ANKRD26: variants seen among roughly 807,000 people sequenced by gnomAD.
The protein encoded by ANKRD26 is ankyrin repeat domain 26.
Under a neutral mutation model 208.7 loss-of-function variants are expected in ANKRD26, and 141 were observed. The ratio of observed to expected loss-of-function variants is 0.68; its 90% confidence interval spans 0.59 to 0.78. ANKRD26 has a LOEUF of 0.78. ANKRD26 is among the 30% of genes least tolerant of loss of function. The probability of loss-of-function intolerance (pLI) is 0.00; values close to 1 mark genes in which losing one functional copy is unlikely to be tolerated. For synonymous variants in ANKRD26, 636 were observed against 660.4 expected, an observed-to-expected ratio of 0.96 and a Z score of 0.57; for missense variants, 1,889 against 1,938.7, an observed-to-expected ratio of 0.97 and a Z score of 0.48.
intron 15 of ANKRD26, among the ~76,000 whole-genome samples, chr10:27,057,830 A>T (rs2054893614): frequency 6.6e-6 from 1 of 151,950 alleles, no homozygotes; most frequent in South Asian, 2.1e-4. Context: ...CTAGCTACTC[A>T]GGAGGCTGAG....
chr10:27,079,206 A>G lies in ANKRD26; in HGVS notation c.741-45T>C, dbSNP rs912330310. 3.3e-6 allele frequency: 5 copies of G among 1,524,118 alleles called. No individual in the cohort carries two copies. The Admixed American group carries it at 8.4e-5, about 26-fold the overall frequency. 94.4% of individuals were successfully genotyped at this position (1,524,118 alleles called of 1,614,324 possible). A position where few individuals can be genotyped will look rare whatever the true frequency, so the allele number is the denominator to read the frequency against. On this transcript the variant is annotated intron_variant, in intron 6 of 33. Transcript: ENST00000376087. ...AAAAATGAGTGAATTCATTTCTTTA[A>G]AAACAAAACAAAAACCAGCTTACAA...
chr10:26,955,442 T>A, the ANKRD26 span, among the ~76,000 whole-genome samples: 3 of 151,800 alleles, frequency 2.0e-5, no homozygotes, highest in African/African-American at 7.3e-5. Context: ...AAAAAAAATA[T>A]ATATATATGT....
intron 24 of ANKRD26, 138 bp downstream of exon 24, chr10:27,034,658 C>T: frequency 1.8e-6 from 1 of 559,548 alleles, no homozygotes; most frequent in South Asian, 3.2e-5. Flanking sequence ...CTTTTATTTG[C>T]TGAAAACAAG....
chr10:27,057,916 ACAGAG>A (rs111697191), intron 15 of ANKRD26, among the ~76,000 whole-genome samples: 1,576 of 151,308 alleles, frequency 0.01, 29 homozygotes, highest in African/African-American at 0.037. Flanking sequence ...CAGCCGGGTG[ACAGAG>A]CGAGACTCCA....
At chr10:26,954,926 C>A in the ANKRD26 span, among the ~76,000 whole-genome samples, 3 of 149,294 alleles carry the variant, frequency 2.0e-5, no homozygotes, top group East Asian at 3.9e-4. Flanking sequence ...CTATCAAATG[C>A]GGGATCTATA....
At chr10:27,053,828 A>T (rs931591954) in intron 15 of ANKRD26, among the ~76,000 whole-genome samples, 7 of 152,222 alleles carry the variant, frequency 4.6e-5, no homozygotes, top group African/African-American at 1.4e-4. Flanking sequence ...TTTATGATAC[A>T]GTAGGAATAT....
intron 6 of ANKRD26, among the ~76,000 whole-genome samples, chr10:27,082,438 C>CT (rs2055954578): frequency 6.6e-6 from 1 of 152,196 alleles, no homozygotes; most frequent in South Asian, 2.1e-4. Context: ...AAGAAAAACT[C>CT]TGAGAGTTAA....
At chr10:27,062,891 C>T (rs2055112503) in intron 12 of ANKRD26, among the ~76,000 whole-genome samples, 1 of 151,904 alleles carries the variant, frequency 6.6e-6, no homozygotes, top group Admixed American at 6.6e-5. Context: ...CTTGAGCCTC[C>T]CAAGTAGCTA....
rs750332409 is a variant in ANKRD26 at position 27,028,835 on chromosome 10, T to A, written c.3972+17A>T. The A allele has an allele frequency of 2.5e-6, 4 of 1,599,684 alleles. No homozygotes were observed. Among genetic ancestry groups the A allele is most frequent in the South Asian group, 2.2e-5 (2 of 90,600 alleles). On this transcript the variant is annotated intron_variant, in intron 27 of 33. Transcript: ENST00000376087. ...AAATTCCTTTTCAGTACGACAGAAA[T>A]TAAGTGGCTGACTTACCAAATTTGC...
At chr10:27,068,915 G>A (rs1351542242) in intron 9 of ANKRD26, among the ~76,000 whole-genome samples, 5 of 151,646 alleles carry the variant, frequency 3.3e-5, no homozygotes, top group African/African-American at 7.3e-5. Context: ...GAGGTCGGGC[G>A]CAGCGCGGTG....
At chr10:26,995,588 T>C (rs1300286656) in intron 4 of ANKRD26, among the ~76,000 whole-genome samples, 2 of 152,186 alleles carry the variant, frequency 1.3e-5, no homozygotes, top group Non-Finnish European at 2.9e-5. Flanking sequence ...GTTCCTACAA[T>C]AGCCAGCCAG....
the ANKRD26 span, among the ~76,000 whole-genome samples, chr10:26,953,958 TA>T: frequency 6.6e-6 from 1 of 152,240 alleles, no homozygotes; most frequent in East Asian, 1.9e-4. Context: ...GAGAGCATCA[TA>T]AGGGAGATTG....
At chr10:27,011,500 T>G (rs1384660658) in intron 32 of ANKRD26, among the ~76,000 whole-genome samples, 1 of 147,668 alleles carries the variant, frequency 6.8e-6, no homozygotes, top group Non-Finnish European at 1.5e-5. Context: ...GGATCAAGCA[T>G]AGTTGATTTT....
chr10:26,973,649 C>CTTTTTTTTTTTTTTTTT (rs71386903), downstream of ANKRD26, among the ~76,000 whole-genome samples: 2 of 88,428 alleles, frequency 2.3e-5, no homozygotes, highest in East Asian at 3.9e-4. Flanking sequence ...TTTATTTGTC[C>CTTTTTTTTTTTTTTTTT]TTTTTTTTTT....
chr10:27,033,407 A>G, intron 24 of ANKRD26, 30 bp from the exon 25 acceptor site: 1 of 1,596,358 alleles, frequency 6.3e-7, no homozygotes, highest in Non-Finnish European at 8.6e-7. Context: ...CTGATTTTAT[A>G]AATCACCTTA....
chr10:26,997,163 G>A lies in ANKRD26; in HGVS notation c.563-2016C>T, dbSNP rs192818499. On this transcript the variant is annotated intron_variant, in intron 4 of 5. Transcript: ENST00000445828. ...AGGAACATGTGGGACAGACTGAGTG[G>A]GTCACATTTAGGGCCCTTGGTTGGT... Among the ~76,000 whole-genome samples the A allele has an allele frequency of 2.0e-3, 311 of 152,122 alleles. 1 individual carries two copies. The highest frequency in any genetic ancestry group is 2.8e-3 in the Non-Finnish European group (188 of 68,002).
At chr10:27,041,689 T>C (rs979701677) in intron 20 of ANKRD26, among the ~76,000 whole-genome samples, 15 of 151,314 alleles carry the variant, frequency 9.9e-5, no homozygotes, top group African/African-American at 3.6e-4. Flanking sequence ...AGATTAACCA[T>C]CACAAAAGAA....
intron 15 of ANKRD26, among the ~76,000 whole-genome samples, chr10:27,059,285 A>G (rs2054961273): frequency 6.6e-6 from 1 of 152,224 alleles, no homozygotes; most frequent in African/African-American, 2.4e-5. Flanking sequence ...AAAATGGAAT[A>G]CTATAAAGAA....
At chr10:26,999,529 G>T (rs2052671785), downstream of ANKRD26, among the ~76,000 whole-genome samples, 2 of 152,130 alleles carry the variant, frequency 1.3e-5, no homozygotes, top group African/African-American at 4.8e-5. Context: ...TATGTCAGGG[G>T]CTTAAGATGT....
Sources: gnomAD v4.1 joint callset for allele counts (sites outside exome capture counted in the v4.1 genomes callset) on GRCh38, gnomAD v4.1.1 for gene constraint, MANE v1.5 for transcripts, NCBI Gene and HGNC (gene_info 2026-07-23, HGNC 2026-07-21) for gene names.